CAST: variants seen among roughly 807,000 people sequenced by gnomAD.
CAST encodes the protein calpastatin, also known as MIR583 host.
In CAST, 76 loss-of-function variants were observed where a neutral mutation model predicts 119.6. The ratio of observed to expected loss-of-function variants is 0.64; its 90% CI spans 0.53 to 0.77. CAST has a LOEUF of 0.77. CAST is among the 30% of genes least tolerant of loss of function. The pLI is 0.00. For synonymous variants in CAST, 319 were observed against 331.6 expected (o/e 0.96, Z 0.41); for missense variants, 953 against 946.5 (o/e 1.01, Z -0.09).
chr5:96,566,646 G>A (rs1175602067), intron 1 of CAST, among the ~76,000 whole-genome samples: 1 of 152,188 alleles, frequency 6.6e-6, no homozygotes, highest in Admixed American at 6.5e-5. Flanking sequence ...TTGCAAAGCA[G>A]AATACCTCAA....
the CAST span, among the ~76,000 whole-genome samples, chr5:96,479,560 C>T: frequency 3.3e-5 from 5 of 151,828 alleles, no homozygotes; most frequent in Non-Finnish European, 7.4e-5. Flanking sequence ...AGCGATTCTC[C>T]TGCCTCAACC....
At chr5:96,012,597 A>G in the CAST span, among the ~76,000 whole-genome samples, 1 of 152,194 alleles carries the variant, frequency 6.6e-6, no homozygotes, top group South Asian at 2.1e-4. Context: ...ACAAGATGTG[A>G]CATGCATAGA....
chr5:96,763,346 GTGTGTGTATGTGCATGTGCATGTGCA>G (rs1270708876), intron 25 of CAST: 4 of 744,184 alleles, frequency 5.4e-6, no homozygotes, highest in African/African-American at 1.7e-5. Flanking sequence ...AATGCCCCGT[GTGTGTGTATGTGCATGTGCATGTGCA>G]TGTGTGTATG....
In CAST at chr5:96,730,763, T is replaced by A; in HGVS notation, c.550-17T>A. 1 of 1,600,784 alleles carries A rather than the reference T, an allele frequency of 6.2e-7. No individual in the cohort carries two copies. On this transcript the variant is annotated splice_polypyrimidine_tract_variant and intron_variant, in intron 8 of 31. Transcript: ENST00000675179. ...GAGATACTTAGCTCTGTCAACCTTT[T>A]ATCCTCACTGTCTTAGACTAAACCA... is the stretch of plus-strand genomic sequence containing the variant.
the CAST span, among the ~76,000 whole-genome samples, chr5:96,438,514 A>G: frequency 6.6e-6 from 1 of 152,098 alleles, no homozygotes; most frequent in Admixed American, 6.5e-5. Flanking sequence ...GTCTCTCACA[A>G]CCTTAAAACT....
the CAST span, among the ~76,000 whole-genome samples, chr5:96,491,827 A>C: frequency 1.3e-5 from 2 of 152,226 alleles, no homozygotes; most frequent in African/African-American, 4.8e-5. Context: ...TATGCAATGA[A>C]GATGAACTAA....
intron 1 of CAST, chr5:96,663,129 T>C (rs1328977931): frequency 8.5e-6 from 6 of 702,378 alleles, no homozygotes; most frequent in Admixed American, 8.0e-5. Flanking sequence ...AGCCAGCCGG[T>C]TGTTGCCATG....
chr5:96,632,430 GATAA>G (rs1384842099), intron 1 of CAST, among the ~76,000 whole-genome samples: 2 of 150,686 alleles, frequency 1.3e-5, no homozygotes, highest in African/African-American at 2.4e-5. Context: ...AATATACTAA[GATAA>G]ATAAATATAA....
intron 1 of CAST, among the ~76,000 whole-genome samples, chr5:96,536,435 T>C (rs999569152): frequency 6.6e-6 from 1 of 152,204 alleles, no homozygotes; most frequent in African/African-American, 2.4e-5. Context: ...GATGAAGTTG[T>C]AGACATGCCT....
At chr5:96,185,621 C>T in the CAST span, among the ~76,000 whole-genome samples, 1 of 152,258 alleles carries the variant, frequency 6.6e-6, no homozygotes, top group South Asian at 2.1e-4. Flanking sequence ...TTCTCCATTG[C>T]ATGTTTTTGT....
the CAST span, among the ~76,000 whole-genome samples, chr5:96,167,683 G>T: frequency 1.3e-5 from 2 of 152,126 alleles, no homozygotes; most frequent in African/African-American, 4.8e-5. Flanking sequence ...AGGTGGGAAG[G>T]CCAAACTGAG....
At chr5:96,742,902 G>C in intron 16 of CAST, 146 bp downstream of exon 16, 1 of 640,418 alleles carries the variant, frequency 1.6e-6, no homozygotes, top group South Asian at 1.9e-5. Flanking sequence ...TTGCTGAGTG[G>C]TTAGCAACTA....
At chr5:96,555,561 G>A (rs1437744776) in intron 1 of CAST, among the ~76,000 whole-genome samples, 1 of 152,104 alleles carries the variant, frequency 6.6e-6, no homozygotes, top group African/African-American at 2.4e-5. Flanking sequence ...TTAGCAAACG[G>A]CACACCAGGA....
the CAST span, among the ~76,000 whole-genome samples, chr5:96,297,848 G>A: frequency 6.6e-6 from 1 of 151,936 alleles, no homozygotes; most frequent in Admixed American, 6.6e-5. Flanking sequence ...TATAAGACCC[G>A]GGAGCACTAT....
chr5:96,083,379 C>T, the CAST span, among the ~76,000 whole-genome samples: 1 of 152,186 alleles, frequency 6.6e-6, no homozygotes, highest in Non-Finnish European at 1.5e-5. Flanking sequence ...AGTGTATCAT[C>T]CATACCCATA....
At chr5:96,494,645 TAGA>T in the CAST span, among the ~76,000 whole-genome samples, 4 of 152,118 alleles carry the variant, frequency 2.6e-5, no homozygotes, top group East Asian at 7.7e-4. Flanking sequence ...GGTGGCCCAA[TAGA>T]AGAGCGATTC....
intron 21 of CAST, among the ~76,000 whole-genome samples, chr5:96,754,422 C>T (rs1268637728): frequency 6.6e-6 from 1 of 152,190 alleles, no homozygotes; most frequent in Non-Finnish European, 1.5e-5. Context: ...ATTGCTGGGA[C>T]TTGGGAAGGA....
At chr5:96,672,438 G>A (rs1433222819) in intron 1 of CAST, among the ~76,000 whole-genome samples, 2 of 152,116 alleles carry the variant, frequency 1.3e-5, no homozygotes, top group Admixed American at 6.6e-5. Flanking sequence ...GGCCGGGAGC[G>A]GTGGCTCACG....
chr5:96,115,791 G>A, the CAST span, among the ~76,000 whole-genome samples: 1 of 152,120 alleles, frequency 6.6e-6, no homozygotes, highest in Non-Finnish European at 1.5e-5. Context: ...GATGTACAAT[G>A]TTTAATGGGT....
Sources: gnomAD v4.1 joint callset for allele counts (sites outside exome capture counted in the v4.1 genomes callset) on GRCh38, gnomAD v4.1.1 for gene constraint, MANE v1.5 for transcripts, NCBI Gene and HGNC (gene_info 2026-07-23, HGNC 2026-07-21) for gene names.